The following TRAT1 variants were observed in gnomAD, a reference collection of about 807,000 sequenced individuals.
TRAT1 encodes T-cell receptor-associated transmembrane adapter 1.
In TRAT1, 20 loss-of-function variants were observed where a neutral mutation model predicts 20.0. The observed-to-expected ratio is 1.00, with a 90% CI of 0.70 to 1.45. TRAT1 has a LOEUF of 1.45. TRAT1 is among the 40% of genes most tolerant of loss of function. The pLI is 0.00. For synonymous variants in TRAT1, 77 were observed against 74.2 expected (o/e 1.04, Z -0.20); for missense variants, 237 against 224.1 (o/e 1.06, Z -0.37).
intron 1 of TRAT1, among the ~76,000 whole-genome samples, chr3:108,825,862 A>G (rs1348767115): frequency 6.6e-6 from 1 of 152,206 alleles, no homozygotes; most frequent in Non-Finnish European, 1.5e-5. Context: ...CCATACAACC[A>G]TGCCATCTTC....
chr3:108,832,544 C>G (rs1945804268), intron 2 of TRAT1, among the ~76,000 whole-genome samples: 1 of 152,050 alleles, frequency 6.6e-6, no homozygotes, highest in Admixed American at 6.6e-5. Flanking sequence ...ATTTTAACTT[C>G]TTTATTAAGA....
At chr3:108,849,596 C>G (rs1165989072) in intron 5 of TRAT1, among the ~76,000 whole-genome samples, 1 of 152,110 alleles carries the variant, frequency 6.6e-6, no homozygotes, top group Non-Finnish European at 1.5e-5. Context: ...ACCTAAATGT[C>G]AGGAATTCAA....
chr3:108,843,089 G>A (rs147105123), intron 3 of TRAT1, among the ~76,000 whole-genome samples: 61 of 152,294 alleles, frequency 4.0e-4, no homozygotes, highest in African/African-American at 1.3e-3. Flanking sequence ...CAGAGAAAGC[G>A]AAAATGTAAT....
intron 3 of TRAT1, among the ~76,000 whole-genome samples, chr3:108,840,675 T>C (rs565059461): frequency 6.6e-6 from 1 of 152,298 alleles, no homozygotes; most frequent in East Asian, 1.9e-4. Context: ...GCAAAGATCA[T>C]TACTATGCCA....
At chr3:108,839,212 A>T (rs1945868884) in intron 3 of TRAT1, 1 of 503,804 alleles carries the variant, frequency 2.0e-6, no homozygotes, top group Admixed American at 3.7e-5. Flanking sequence ...TTCTAACCTG[A>T]TAACTATAGA....
At chr3:108,822,988 A>G (rs1945706278) in intron 1 of TRAT1, 54 bp downstream of exon 1, 1 of 1,534,286 alleles carries the variant, frequency 6.5e-7, no homozygotes, top group East Asian at 2.3e-5. Flanking sequence ...AATTCACTTA[A>G]TTTCTAAGTC....
rs755521615 is a variant in TRAT1, at chr3:108,847,141, A to T, written c.214+12A>T. ...TGATATGATTTCAGGTAAGTTTTCC[A>T]TAAGTTAAATTTATAAATAAGTAAA... On this transcript the variant is annotated intron_variant, in intron 4 of 5. Coordinates refer to ENST00000295756, the MANE Select transcript of TRAT1 (RefSeq NM_016388.4). 1 of 1,477,742 alleles carries T rather than the reference A, an allele frequency of 6.8e-7. No homozygotes were observed. Among genetic ancestry groups the T allele is most frequent in the South Asian group, 1.2e-5 (1 of 82,720 alleles). The allele number at this position is 1,477,742 out of a possible 1,614,324, so 91.5% of individuals were successfully genotyped here.
chr3:108,827,188 T>C (rs1438893391), intron 1 of TRAT1, among the ~76,000 whole-genome samples: 3 of 152,154 alleles, frequency 2.0e-5, no homozygotes, highest in African/African-American at 7.2e-5. Context: ...ATCAAAGCTA[T>C]ATAAATGAAA....
At chr3:108,850,244 C>T (rs927939721) in intron 5 of TRAT1, among the ~76,000 whole-genome samples, 2 of 152,054 alleles carry the variant, frequency 1.3e-5, no homozygotes, top group Admixed American at 1.3e-4. Context: ...GAAAATTTCC[C>T]AGTGAGGTAG....
At chr3:108,849,116 T>C (rs574539581) in intron 4 of TRAT1, 50 bp from the exon 5 acceptor site, 19 of 1,443,098 alleles carry the variant, frequency 1.3e-5, no homozygotes, top group Admixed American at 5.2e-5. Flanking sequence ...TTAATCATAC[T>C]AGTATTTTTA....
chr3:108,853,602 A>C lies in TRAT1; in HGVS notation c.304-18A>C, dbSNP rs765578643. On this transcript the variant is annotated intron_variant, in intron 5 of 5. Coordinates refer to ENST00000295756, the MANE Select transcript of TRAT1 (RefSeq NM_016388.4). Reference sequence around the variant, plus strand: ...AAGAACAGACTAACAATGAAAAATTAACATCCCTTTCTTTTAGGCAACCAA... The same window carrying C: ...AAGAACAGACTAACAATGAAAAATTCACATCCCTTTCTTTTAGGCAACCAA... The C allele has an allele frequency of 6.2e-7, 1 of 1,607,010 alleles. No individual in the cohort carries two copies.
chr3:108,846,015 C>T (rs1050868250), intron 3 of TRAT1, among the ~76,000 whole-genome samples: 1 of 152,170 alleles, frequency 6.6e-6, no homozygotes, highest in African/African-American at 2.4e-5. Flanking sequence ...GTTCTCTTGA[C>T]CTGAGGGTCG....
Position 108,830,566 on chromosome 3 carries a change from C to T in TRAT1, c.8-104C>T, listed in dbSNP as rs147154318. The T allele has an allele frequency of 2.3e-4, 179 of 772,052 alleles. 1 individual carries two copies. In the East Asian group the frequency reaches 3.2e-3, roughly 14 times the overall value. 47.8% of individuals were successfully genotyped at this position (772,052 alleles called of 1,614,324 possible). On this transcript the variant is annotated intron_variant, in intron 1 of 5. Transcript: ENST00000295756. ...TTAGTTTCCCGGTAGAGACTGTGTA[C>T]TTCATTATGAATAAATGCAACAGCT...
chr3:108,851,544 C>A (rs1945998222), intron 5 of TRAT1, among the ~76,000 whole-genome samples: 1 of 151,670 alleles, frequency 6.6e-6, no homozygotes, highest in Admixed American at 6.6e-5. Context: ...CTTGTACTTT[C>A]AATTGTTGAA....
chr3:108,853,548 C>T (rs771293500), intron 5 of TRAT1, 72 bp from the exon 6 acceptor site: 100 of 1,525,324 alleles, frequency 6.6e-5, no homozygotes, highest in Middle Eastern at 1.8e-4. Flanking sequence ...GGTTTTCATA[C>T]GCCACAGAAA....
chr3:108,835,669 A>G (rs1212174854), intron 2 of TRAT1, among the ~76,000 whole-genome samples: 1 of 152,100 alleles, frequency 6.6e-6, no homozygotes, highest in Admixed American at 6.5e-5. Context: ...AACTTCTTAC[A>G]TCCCATTTCA....
At chr3:108,832,368 C>A (rs1311103626) in intron 2 of TRAT1, among the ~76,000 whole-genome samples, 1 of 152,108 alleles carries the variant, frequency 6.6e-6, no homozygotes, top group Admixed American at 6.5e-5. Context: ...TTTTCATTAG[C>A]AATGCTTTCA....
At chr3:108,824,907 A>C (rs1945722703) in intron 1 of TRAT1, among the ~76,000 whole-genome samples, 1 of 152,196 alleles carries the variant, frequency 6.6e-6, no homozygotes, top group East Asian at 1.9e-4. Context: ...AGGACTAATT[A>C]ATTCTAAATT....
chr3:108,852,807 A>T (rs935227334), intron 5 of TRAT1, among the ~76,000 whole-genome samples: 1 of 152,226 alleles, frequency 6.6e-6, no homozygotes, highest in Non-Finnish European at 1.5e-5. Context: ...GAATATTTTT[A>T]AAAACCTGAC....
Sources: allele counts gnomAD v4.1 joint callset (sites outside exome capture counted in the v4.1 genomes callset), GRCh38; gene constraint gnomAD v4.1.1; transcripts MANE v1.5; gene names NCBI Gene and HGNC (gene_info 2026-07-23, HGNC 2026-07-21).